Variants in APLF observed in about 807,000 individuals in gnomAD.
The protein encoded by APLF is aprataxin and PNK-like factor.
Under a neutral mutation model 55.6 loss-of-function variants are expected in APLF, and 61 were observed. That is an observed-to-expected ratio of 1.10 (90% CI 0.89 to 1.36). APLF has a LOEUF of 1.36. APLF is among the 40% of genes most tolerant of loss of function. The pLI, the probability that APLF is intolerant of heterozygous loss-of-function variation, is 0.00. For synonymous variants in APLF, 207 were observed against 214.8 expected, an observed-to-expected ratio of 0.96 and a Z score of 0.32; for missense variants, 611 against 602.5, an observed-to-expected ratio of 1.01 and a Z score of -0.15.
chr2:68,571,766 G>A (rs1430285334), intron 9 of APLF, among the ~76,000 whole-genome samples: 2 of 152,084 alleles, frequency 1.3e-5, no homozygotes, highest in East Asian at 1.9e-4. Flanking sequence ...GGATTGACTT[G>A]GCAATGCAGG....
At position 68,545,219 on chromosome 2, in the gene APLF, A is replaced by G. The variant is rs745971614; in HGVS notation, c.1193A>G (p.His398Arg). The G allele has an allele frequency of 1.2e-6, 2 of 1,613,620 alleles. No individual in the cohort carries two copies. Among genetic ancestry groups the G allele is most frequent in the African/African-American group, 1.3e-5 (1 of 74,850 alleles). Residue 398 changes from histidine (H) to arginine (R), a missense_variant, in exon 8 of 10, where the codon CAT becomes CGT. Physicochemically the swap from His to Arg is conservative, Grantham distance 29. Coordinates refer to ENST00000303795, the MANE Select transcript of APLF (RefSeq NM_173545.3). ...KNPVHFQHFS[H>R]PGDSDYGGVQ... ...CCTGTTCATTTTCAACATTTTAGCC[A>G]TCCTGGTGATAGTGATTATGGAGGT...
intron 3 of APLF, among the ~76,000 whole-genome samples, chr2:68,504,102 A>C (rs1161993943): frequency 6.6e-6 from 1 of 152,008 alleles, no homozygotes. Context: ...GAATGGGTAC[A>C]TTTCTTAAAA....
Position 68,578,450 on chromosome 2 carries a change from A to T in APLF, c.*428A>T, listed in dbSNP as rs943445140. The T allele has an allele frequency of 2.0e-6, 2 of 988,404 alleles. No individual in the cohort carries two copies. Among genetic ancestry groups the T allele is most frequent in the Non-Finnish European group, 2.4e-6 (2 of 832,086 alleles). 61.2% of individuals were successfully genotyped at this position (988,404 alleles called of 1,614,324 possible). A position where few individuals can be genotyped will look rare whatever the true frequency, so the allele number is the denominator to read the frequency against. ...TCATTGTTACTGAAGTAATTCTGTA[A>T]GCAGAACCAGGCTTTAAAAAATGCA... On this transcript the variant is annotated 3_prime_UTR_variant, in exon 10 of 10. Transcript: ENST00000303795.
At chr2:68,544,459 A>G (rs1670643867) in intron 7 of APLF, among the ~76,000 whole-genome samples, 1 of 152,214 alleles carries the variant, frequency 6.6e-6, no homozygotes, top group Non-Finnish European at 1.5e-5. Flanking sequence ...GAGATTAAAT[A>G]AATTTCCATA....
chr2:68,483,853 C>T (rs906577474), intron 1 of APLF, among the ~76,000 whole-genome samples: 1 of 151,852 alleles, frequency 6.6e-6, no homozygotes, highest in African/African-American at 2.4e-5. Context: ...TGAATTAATG[C>T]GATATATTAT....
intron 8 of APLF, among the ~76,000 whole-genome samples, chr2:68,556,210 G>A (rs916147608): frequency 3.9e-5 from 6 of 152,150 alleles, no homozygotes; most frequent in African/African-American, 1.4e-4. Context: ...GGAGAAAGTG[G>A]GAAGGGTGTG....
At chr2:68,514,067 T>A (rs1299473008) in intron 5 of APLF, among the ~76,000 whole-genome samples, 1 of 151,782 alleles carries the variant, frequency 6.6e-6, no homozygotes, top group African/African-American at 2.4e-5. Context: ...TTTTCTGCCA[T>A]CTCTAATTTG....
At chr2:68,487,666 A>T (rs1164070976) in intron 1 of APLF, among the ~76,000 whole-genome samples, 5 of 152,178 alleles carry the variant, frequency 3.3e-5, no homozygotes, top group Non-Finnish European at 7.3e-5. Flanking sequence ...AAAGCAGATC[A>T]TCAGATCTTT....
intron 3 of APLF, 120 bp from the exon 4 acceptor site, chr2:68,512,960 T>C: frequency 1.3e-6 from 1 of 769,640 alleles, no homozygotes; most frequent in Admixed American, 2.9e-5. Context: ...TAGTATACTA[T>C]AATCTGCTTT....
chr2:68,550,139 A>T (rs1670815542), intron 8 of APLF, among the ~76,000 whole-genome samples: 1 of 152,136 alleles, frequency 6.6e-6, no homozygotes, highest in Non-Finnish European at 1.5e-5. Flanking sequence ...CTTATATTTA[A>T]AACATGTCTT....
At chr2:68,483,087 G>A (rs781226035) in intron 1 of APLF, among the ~76,000 whole-genome samples, 1 of 152,114 alleles carries the variant, frequency 6.6e-6, no homozygotes, top group African/African-American at 2.4e-5. Context: ...CAAAGCTAGA[G>A]AGACACAGTG....
Position 68,579,343 on chromosome 2 carries a change from T to C in APLF, c.*1321T>C, listed in dbSNP as rs1305655838. The C allele has an allele frequency of 1.0e-6, 1 of 965,494 alleles. No individual in the cohort carries two copies. The highest frequency in any genetic ancestry group is 1.1e-4 in the East Asian group (1 of 8,738). The allele number at this position is 965,494 out of a possible 1,614,324, so 59.8% of individuals were successfully genotyped here. On this transcript the variant is annotated 3_prime_UTR_variant, in exon 10 of 10. Transcript: ENST00000303795. ...TATTTTTCCCCTTATAATGTCCCTT[T>C]AGCCTTGGTAGTATAACAAATCTAC...
intron 1 of APLF, among the ~76,000 whole-genome samples, chr2:68,471,724 A>G (rs1675622676): frequency 6.6e-6 from 1 of 152,194 alleles, no homozygotes; most frequent in Non-Finnish European, 1.5e-5. Context: ...TTGAATTTTT[A>G]GATATAATCA....
chr2:68,480,212 T>C (rs573487342), intron 1 of APLF, among the ~76,000 whole-genome samples: 3 of 152,050 alleles, frequency 2.0e-5, no homozygotes, highest in Admixed American at 2.0e-4. Context: ...TTTGGTGGAG[T>C]CTTTAGGTTT....
chr2:68,491,570 G>T (rs1409725820), intron 2 of APLF, among the ~76,000 whole-genome samples: 1 of 152,074 alleles, frequency 6.6e-6, no homozygotes, highest in East Asian at 1.9e-4. Flanking sequence ...AAGTTTTTTT[G>T]TTGTTACTAA....
intron 2 of APLF, among the ~76,000 whole-genome samples, chr2:68,499,809 G>C (rs1446551857): frequency 6.6e-6 from 1 of 152,126 alleles, no homozygotes; most frequent in Non-Finnish European, 1.5e-5. Context: ...CTGCACTCCA[G>C]CCTGGGTAAC....
chr2:68,513,111 T>G lies in APLF; in HGVS notation c.373T>G (p.Leu125Val). The change falls in exon 4 of 10, where the codon TTG (leucine) becomes GTG (valine). Residue 125 changes from leucine (L) to valine (V), a missense_variant. Leu to Val is a conservative substitution (Grantham distance 32). Coordinates refer to ENST00000303795, the MANE Select transcript of APLF (RefSeq NM_173545.3). Reference protein sequence around the residue: ...NSQVLDEDNILNETPKSPVIN... With the variant: ...NSQVLDEDNIVNETPKSPVIN... The stretch of plus-strand genomic sequence containing the variant: ...TCAAGTGCTTGATGAAGATAATATA[T>G]TGAATGAAACACCAAAATCCCCCGT... 1 of 1,610,280 alleles carries G rather than the reference T, an allele frequency of 6.2e-7. No individual in the cohort carries two copies. Among genetic ancestry groups the G allele is most frequent in the East Asian group, 2.2e-5 (1 of 44,786 alleles).
intron 6 of APLF, 90 bp downstream of exon 6, chr2:68,526,332 C>A (rs957451770): frequency 6.8e-7 from 1 of 1,467,570 alleles, no homozygotes; most frequent in Non-Finnish European, 9.3e-7. Flanking sequence ...GAAATCAAAA[C>A]TGCCTTTTAT....
chr2:68,473,210 C>T (rs1033430720), intron 1 of APLF, among the ~76,000 whole-genome samples: 1 of 152,188 alleles, frequency 6.6e-6, no homozygotes, highest in Admixed American at 6.5e-5. Flanking sequence ...CTGGCAACTA[C>T]TGAATTCTTT....
Sources: gnomAD v4.1 joint callset for allele counts (sites outside exome capture counted in the v4.1 genomes callset) on GRCh38, gnomAD v4.1.1 for gene constraint, MANE v1.5 for transcripts, NCBI Gene and HGNC (gene_info 2026-07-23, HGNC 2026-07-21) for gene names.